FAT2: variants seen among roughly 807,000 people sequenced by gnomAD.
The protein encoded by FAT2 is protocadherin Fat 2.
Under a neutral mutation model 295.3 loss-of-function variants are expected in FAT2, and 150 were observed. The observed-to-expected ratio is 0.51, with a 90% CI of 0.44 to 0.58. The LOEUF (loss-of-function observed/expected upper bound fraction) is 0.58, where lower values mean the gene tolerates loss of function less well. Ranked by LOEUF, FAT2 falls within the 20% of genes least tolerant of loss-of-function variation. The probability of loss-of-function intolerance (pLI) is 0.00; values close to 1 mark genes in which losing one functional copy is unlikely to be tolerated. For missense variants in FAT2, 4,868 were observed against 5,442.7 expected, an observed-to-expected ratio of 0.89 and a Z score of 3.32; for synonymous variants, 2,026 against 2,150.3, an observed-to-expected ratio of 0.94 and a Z score of 1.60.
chr5:151,586,023 G>T (rs560051909), intron 1 of FAT2, among the ~76,000 whole-genome samples: 1 of 152,322 alleles, frequency 6.6e-6, no homozygotes, highest in African/African-American at 2.4e-5. Context: ...CAGAGCTCAC[G>T]TGCCATACTG....
intron 1 of FAT2, among the ~76,000 whole-genome samples, chr5:151,571,985 C>T (rs1375994093): frequency 2.0e-5 from 3 of 152,222 alleles, no homozygotes; most frequent in South Asian, 4.1e-4. Flanking sequence ...GGGGCCTTTG[C>T]ACTTACTGCT....
In FAT2 at chr5:151,543,400, G is replaced by A; in HGVS notation, c.7727C>T (p.Thr2576Ile). 6.2e-7 allele frequency: 1 copy of A among 1,614,158 alleles called. No homozygotes were observed. ...VAFCTVKIIL[T>I]DENDNPPQFK... ...CTGTGGGGGGTTGTCATTTTCATCTGTGAGGATGATCTTCACCGTGCAGAA... is the reference window on the plus strand; with the variant it reads ...CTGTGGGGGGTTGTCATTTTCATCTATGAGGATGATCTTCACCGTGCAGAA... Residue 2576 changes from threonine to isoleucine, a missense_variant, in exon 10 of 24, where the codon ACA (threonine) becomes ATA (isoleucine). Thr to Ile is a moderately conservative substitution (Grantham distance 89). Around this residue, in one of 5 missense-constraint regions of FAT2, gnomAD observed 3,297 missense variants for 3,669.4 expected, o/e 0.90. Coordinates refer to ENST00000261800, the MANE Select transcript of FAT2 (RefSeq NM_001447.3).
At chr5:151,519,409 G>T (rs1753211972) in intron 19 of FAT2, among the ~76,000 whole-genome samples, 1 of 152,128 alleles carries the variant, frequency 6.6e-6, no homozygotes, top group Admixed American at 6.5e-5. Context: ...ATTGTAGTAG[G>T]TACTTATTGG....
Position 151,510,322 on chromosome 5 carries a change from A to G in FAT2, c.11906-148T>C. On this transcript the variant is annotated intron_variant, in intron 21 of 23. Transcript: ENST00000261800. ...CTCTGTGCCCAATACCGTGCTGGGC[A>G]TTGGTGCCCTGCTGAACCAAGAGCA... The G allele has an allele frequency of 4.5e-6, 4 of 880,580 alleles. No individual in the cohort carries two copies. The South Asian group carries it at 6.8e-5, about 15-fold the overall frequency. 54.5% of individuals were successfully genotyped at this position (880,580 alleles called of 1,614,324 possible). A position where few individuals can be genotyped will look rare whatever the true frequency, so the allele number is the denominator to read the frequency against.
rs772543772 is a variant in FAT2, at chr5:151,546,253, G to A, written c.4874C>T (p.Pro1625Leu). 1.2e-6 allele frequency: 2 copies of A among 1,614,116 alleles called. No individual in the cohort carries two copies. The highest frequency in any genetic ancestry group is 2.2e-5 in the South Asian group (2 of 91,082). Reference protein sequence around the residue: ...AQKLDQANHAPHTLTVKAEDQ... With the variant: ...AQKLDQANHALHTLTVKAEDQ... ...TTCTGCCTTCACTGTCAGAGTATGTGGGGCATGATTTGCCTGATCAAGCTT... is the reference window on the plus strand; with the variant it reads ...TTCTGCCTTCACTGTCAGAGTATGTAGGGCATGATTTGCCTGATCAAGCTT... Residue 1625 changes from proline (P) to leucine (L), a missense_variant, in exon 10 of 24, where the codon CCA (proline) becomes CTA (leucine). Around this residue, in one of 5 missense-constraint regions of FAT2, gnomAD observed 3,297 missense variants for 3,669.4 expected, o/e 0.90. Coordinates refer to ENST00000261800, the MANE Select transcript of FAT2 (RefSeq NM_001447.3).
intron 12 of FAT2, among the ~76,000 whole-genome samples, chr5:151,537,556 A>G (rs185467710): frequency 1.2e-4 from 18 of 152,352 alleles, no homozygotes; most frequent in Non-Finnish European, 4.4e-5. Context: ...TTAATTTAGC[A>G]CATTTAAAAC....
At chr5:151,561,629 G>A (rs774920086) in intron 3 of FAT2, among the ~76,000 whole-genome samples, 1 of 152,160 alleles carries the variant, frequency 6.6e-6, no homozygotes, top group Admixed American at 6.5e-5. Context: ...GGGCTCAAGC[G>A]ATCCTCCTAC....
rs1005932291 is a variant in FAT2 at position 151,534,699 on chromosome 5, G to T, written c.9194-57C>A. On this transcript the variant is annotated intron_variant, in intron 12 of 23. Transcript: ENST00000261800. ...CTCTGGGGAAATATTACCCAAGCAT[G>T]TGCCCTCTATATATCTACAGGAGAC... 2.0e-6 allele frequency: 3 copies of T among 1,471,010 alleles called. No homozygotes were observed. The South Asian group carries it at 3.6e-5, about 18-fold the overall frequency. The allele number at this position is 1,471,010 out of a possible 1,614,324, so 91.1% of individuals were successfully genotyped here.
chr5:151,543,184 C>G lies in FAT2; in HGVS notation c.7943G>C (p.Ser2648Thr), dbSNP rs1298021265. The change falls in exon 10 of 24, where the codon AGC (serine) becomes ACC (threonine). Residue 2648 changes from serine (S) to threonine (T), a missense_variant. Coordinates refer to ENST00000261800, the MANE Select transcript of FAT2 (RefSeq NM_001447.3). Reference protein sequence around the residue: ...PVTGVVKVKDSLVGLENQTLD... With the variant: ...PVTGVVKVKDTLVGLENQTLD... ...GGTCTGATTTTCCAATCCCACCAGG[C>G]TGTCTTTCACCTTGACCACACCAGT... is the stretch of plus-strand genomic sequence containing the variant. 3.1e-6 allele frequency: 5 copies of G among 1,614,086 alleles called. No homozygotes were observed. In the African/African-American group the frequency reaches 6.7e-5, roughly 22 times the overall value.
At chr5:151,537,998 C>A in intron 11 of FAT2, 52 bp from the exon 12 acceptor site, 2 of 1,555,332 alleles carry the variant, frequency 1.3e-6, no homozygotes, top group South Asian at 1.2e-5. Context: ...GCATTCAGAT[C>A]CAGAGAGAAG....
chr5:151,562,188 G>C (rs35908499), intron 3 of FAT2, among the ~76,000 whole-genome samples: 72,722 of 151,892 alleles, frequency 0.48, 17,649 homozygotes, highest in Non-Finnish European at 0.53. Context: ...TGCTCCAGGA[G>C]TCCCAGCGTC....
At chr5:151,588,139 G>T (rs1334156898) in intron 1 of FAT2, among the ~76,000 whole-genome samples, 1 of 152,156 alleles carries the variant, frequency 6.6e-6, no homozygotes, top group East Asian at 1.9e-4. Flanking sequence ...GTGTGTGTGG[G>T]TGTATGTGTG....
rs780939422 is a variant in FAT2 at position 151,546,060 on chromosome 5, T to A, written c.5067A>T (p.Glu1689Asp). 2 of 1,614,036 alleles carry A rather than the reference T, an allele frequency of 1.2e-6. No individual in the cohort carries two copies. Among genetic ancestry groups the A allele is most frequent in the African/African-American group, 2.7e-5 (2 of 74,912 alleles). ...ILLVSAMSPS[E>D]VTYELREGNK... ...TTCCCTCTCTTAACTCATAGGTAAC[T>A]TCAGAGGGGCTCATAGCAGAGACAA... Residue 1689 changes from glutamate to aspartate, a missense_variant, in exon 10 of 24, where the codon GAA becomes GAT. Glu to Asp is a conservative substitution (Grantham distance 45, BLOSUM62 2). Coordinates refer to ENST00000261800, the MANE Select transcript of FAT2 (RefSeq NM_001447.3).
chr5:151,518,365 A>ATTATTATTATTATT lies in FAT2; in HGVS notation c.11318-601_11318-600insAATAATAATAATAA, dbSNP rs1554124031. Reference sequence around the variant, plus strand: ...CCATGTCTCTAATAATAATAATAATAATAATAATAATTTTTAAAAGAAAGT... The same window carrying ATTATTATTATTATT: ...CCATGTCTCTAATAATAATAATAATATTATTATTATTATTATAATAATAATTTTTAAAAGAAAGT... On this transcript the variant is annotated intron_variant, in intron 19 of 23. Transcript: ENST00000261800. 7.7e-3 allele frequency among the ~76,000 whole-genome samples: 532 copies of ATTATTATTATTATT among 69,134 alleles called. 3 individuals are homozygous for ATTATTATTATTATT. The East Asian group carries it at 0.11, about 14-fold the overall frequency. The allele number at this position is 69,134 out of a possible 152,430, so 45.4% of individuals were successfully genotyped here. A position where few individuals can be genotyped will look rare whatever the true frequency, so the allele number is the denominator to read the frequency against.
At position 151,525,699 on chromosome 5, in the gene FAT2, C is replaced by T. The variant is rs74482033; in HGVS notation, c.10506+69G>A. ...CATTTTTTCCCTAATGACAGAAGCA[C>T]TGGTGGGGCTTTTGCCAGCATCTTT... is the stretch of plus-strand genomic sequence containing the variant. On this transcript the variant is annotated intron_variant, in intron 18 of 23. Transcript: ENST00000261800. The T allele has an allele frequency of 2.0e-3, 3,111 of 1,567,670 alleles. 59 individuals are homozygous for T. In the African/African-American group the frequency reaches 0.037, roughly 19 times the overall value.
chr5:151,586,844 A>T (rs56782566), intron 1 of FAT2, among the ~76,000 whole-genome samples: 1 of 152,140 alleles, frequency 6.6e-6, no homozygotes, highest in African/African-American at 2.4e-5. Context: ...ATTGTTGACC[A>T]GGCACAGTGG....
Position 151,565,145 on chromosome 5 carries a change from C to T in FAT2, c.3259+528G>A, listed in dbSNP as rs192705644. Among the ~76,000 whole-genome samples the T allele has an allele frequency of 3.1e-4, 47 of 152,194 alleles. No homozygotes were observed. The East Asian group carries it at 7.7e-3, about 25-fold the overall frequency. On this transcript the variant is annotated intron_variant, in intron 2 of 23. Transcript: ENST00000261800. Reference sequence around the variant, plus strand: ...TAAAAGTATATAAATAAGAATATTACACCTACATGGTAGAATAATATGTGG... The same window carrying T: ...TAAAAGTATATAAATAAGAATATTATACCTACATGGTAGAATAATATGTGG...
In FAT2 at chr5:151,527,214, C is replaced by T. The variant is rs985773846; in HGVS notation, c.10308+20G>A. On this transcript the variant is annotated intron_variant, in intron 17 of 23. Transcript: ENST00000261800. ...ATGAAGGGAGGAAGGGCTCAGGGTG[C>T]CTTGGAGGCTCAAGCTTACCTGGAC... The T allele has an allele frequency of 1.9e-6, 3 of 1,587,420 alleles. No individual in the cohort carries two copies. The highest frequency in any genetic ancestry group is 1.1e-5 in the South Asian group (1 of 87,530).
intron 13 of FAT2, among the ~76,000 whole-genome samples, chr5:151,532,873 A>G (rs775665426): frequency 6.6e-6 from 1 of 152,214 alleles, no homozygotes; most frequent in Non-Finnish European, 1.5e-5. Flanking sequence ...TCTCTGGTGG[A>G]ATGGTGACAG....
Sources: allele counts gnomAD v4.1 joint callset (sites outside exome capture counted in the v4.1 genomes callset), GRCh38; gene constraint gnomAD v4.1.1; regional missense constraint gnomAD v4.1.1; transcripts MANE v1.5; gene names NCBI Gene and HGNC (gene_info 2026-07-23, HGNC 2026-07-21).